The following VGLL4 variants were observed in gnomAD, a reference collection of about 807,000 sequenced individuals.
VGLL4 encodes the protein transcription cofactor vestigial-like protein 4.
In VGLL4, 7 loss-of-function variants were observed where a neutral mutation model predicts 21.0. That is an observed-to-expected ratio of 0.33 (90% CI 0.19 to 0.63). The LOEUF (loss-of-function observed/expected upper bound fraction) is 0.63. Among genes scored for constraint, VGLL4 ranks in the 20% least tolerant of loss-of-function variants. VGLL4 has a pLI of 0.78. For missense variants in VGLL4, 394 were observed against 425.7 expected (o/e 0.93, Z 0.66); for synonymous variants, 222 against 173.2 (o/e 1.28, Z -2.21).
At chr3:11,573,269 A>AG (rs1559869451) in intron 2 of VGLL4, among the ~76,000 whole-genome samples, 10 of 9,640 alleles carry the variant, frequency 1.0e-3, no homozygotes, top group Non-Finnish European at 1.1e-3. Context: ...GAAAGAAAGA[A>AG]AGAAAGAAAG....
rs370587456 is a variant in VGLL4 at position 11,583,042 on chromosome 3, G to A, written c.273-18023C>T. 4.6e-5 allele frequency among the ~76,000 whole-genome samples: 7 copies of A among 152,268 alleles called. No homozygotes were observed. The East Asian group carries it at 9.6e-4, about 21-fold the overall frequency. On this transcript the variant is annotated intron_variant, in intron 2 of 4. Coordinates refer to ENST00000430365, the MANE Select transcript of VGLL4 (RefSeq NM_001128219.3). ...AAGTCTGCAGATGTCTTAGCCATAC[G>A]CCAGCATCAAGTAGCCCGGAGAAGT...
chr3:11,627,230 A>ACACTCTCTCTCT (rs1491347863), intron 1 of VGLL4: 1 of 123,270 alleles, frequency 8.1e-6, no homozygotes, highest in African/African-American at 3.3e-5. Context: ...ACACACACAC[A>ACACTCTCTCTCT]CTCTCTCTCT....
intron 1 of VGLL4, among the ~76,000 whole-genome samples, chr3:11,636,683 G>A (rs1404254702): frequency 1.3e-5 from 2 of 152,144 alleles, no homozygotes; most frequent in Non-Finnish European, 2.9e-5. Flanking sequence ...ATGTATCTCC[G>A]GAAGTGTCCC....
chr3:11,690,841 T>C (rs2076516877), intron 2 of VGLL4, among the ~76,000 whole-genome samples: 1 of 152,200 alleles, frequency 6.6e-6, no homozygotes, highest in African/African-American at 2.4e-5. Context: ...TGATTTGATT[T>C]CTATAAAAGT....
intron 1 of VGLL4, among the ~76,000 whole-genome samples, chr3:11,616,652 T>C (rs948797116): frequency 2.0e-5 from 3 of 152,198 alleles, no homozygotes; most frequent in African/African-American, 7.2e-5. Flanking sequence ...AAAAGGCTAA[T>C]TGTTGAATCC....
intron 2 of VGLL4, among the ~76,000 whole-genome samples, chr3:11,689,372 C>A (rs1039200): frequency 0.5 from 75,744 of 151,988 alleles, 20,001 homozygotes; most frequent in Non-Finnish European, 0.6. Context: ...ATGTTTTGCT[C>A]TCTATCTTCC....
At chr3:11,642,992 C>G (rs1201091829) in intron 1 of VGLL4, among the ~76,000 whole-genome samples, 2 of 152,174 alleles carry the variant, frequency 1.3e-5, no homozygotes, top group South Asian at 4.1e-4. Context: ...CTCGCTGTAA[C>G]TTTGGCTCCC....
chr3:11,637,903 C>A (rs1311738471), intron 1 of VGLL4, among the ~76,000 whole-genome samples: 1 of 152,120 alleles, frequency 6.6e-6, no homozygotes, highest in Non-Finnish European at 1.5e-5. Flanking sequence ...CAGAGCAAGT[C>A]TTAAAAAACA....
In VGLL4 at chr3:11,613,579, A is replaced by T. The variant is rs548107904; in HGVS notation, c.83-11557T>A. On this transcript the variant is annotated intron_variant, in intron 1 of 4. Transcript: ENST00000430365. ...TGTTCTGGGAGGCACGGAGCAGCTC[A>T]TTCATTTCTGTATCCCTGGCCACTC... Among the ~76,000 whole-genome samples, 379 of 152,254 alleles carry T rather than the reference A, an allele frequency of 2.5e-3. 3 individuals carry two copies. The highest frequency in any genetic ancestry group is 8.8e-3 in the African/African-American group (364 of 41,560).
Position 11,580,377 on chromosome 3 carries a change from G to C in VGLL4, c.273-15358C>G, listed in dbSNP as rs113868986. The stretch of plus-strand genomic sequence containing the variant: ...TCCATTGTGTGTACAGACCACATTT[G>C]GTTTTTCCATTCATCCGGTGATGAG... On this transcript the variant is annotated intron_variant, in intron 2 of 4. Coordinates refer to ENST00000430365, the MANE Select transcript of VGLL4 (RefSeq NM_001128219.3). 1.7e-3 allele frequency among the ~76,000 whole-genome samples: 264 copies of C among 152,300 alleles called. 2 individuals carry two copies. Among genetic ancestry groups the C allele is most frequent in the Middle Eastern group, 6.8e-3 (2 of 294 alleles).
chr3:11,573,869 A>C (rs2073949883), intron 2 of VGLL4, among the ~76,000 whole-genome samples: 1 of 152,200 alleles, frequency 6.6e-6, no homozygotes, highest in Non-Finnish European at 1.5e-5. Context: ...AAGACCAAGT[A>C]AGCTGTGGTT....
At chr3:11,578,734 C>T (rs1310395398) in intron 2 of VGLL4, among the ~76,000 whole-genome samples, 2 of 142,994 alleles carry the variant, frequency 1.4e-5, no homozygotes, top group Non-Finnish European at 3.0e-5. Flanking sequence ...TTTGAGGCAT[C>T]TACTGTATAT....
chr3:11,612,295 A>G (rs1290426996), intron 1 of VGLL4: 3 of 151,616 alleles, frequency 2.0e-5, no homozygotes, highest in Admixed American at 1.3e-4. Context: ...ACCCTGTTGG[A>G]TTTAGTTTAC....
At chr3:11,694,614 T>C (rs917518319) in intron 2 of VGLL4, among the ~76,000 whole-genome samples, 3 of 150,384 alleles carry the variant, frequency 2.0e-5, no homozygotes, top group African/African-American at 7.4e-5. Context: ...AGTGAGACAC[T>C]GTCTCAAAAA....
chr3:11,574,425 G>C (rs2073967180), intron 2 of VGLL4, among the ~76,000 whole-genome samples: 1 of 152,274 alleles, frequency 6.6e-6, no homozygotes, highest in East Asian at 1.9e-4. Flanking sequence ...ACAGAGACCA[G>C]AGCTGGGCAG....
At chr3:11,612,217 G>A (rs977087357) in intron 1 of VGLL4, 1 of 152,010 alleles carries the variant, frequency 6.6e-6, no homozygotes, top group Admixed American at 6.5e-5. Flanking sequence ...ATTTAATTAG[G>A]AAGTTCTATA....
intron 1 of VGLL4, among the ~76,000 whole-genome samples, chr3:11,602,785 G>A (rs1305029647): frequency 1.3e-5 from 2 of 152,106 alleles, no homozygotes; most frequent in African/African-American, 4.8e-5. Context: ...TTTTGTACTA[G>A]GCAATCACTT....
Position 11,558,829 on chromosome 3 carries a change from TGCAGGCAA to T in VGLL4, c.620-10_620-3del, listed in dbSNP as rs776344910. 9 of 1,609,688 alleles carry T rather than the reference TGCAGGCAA, an allele frequency of 5.6e-6. No individual in the cohort carries two copies. Among genetic ancestry groups the T allele is most frequent in the Admixed American group, 1.7e-5 (1 of 59,992 alleles). ...CCACGGGGTCACAGGTGGTGGCAGC[TGCAGGCAA>T]GCAGGAAGGCAGGCAGTCAGACACA... On this transcript the variant is annotated splice_polypyrimidine_tract_variant and splice_region_variant and intron_variant, in intron 4 of 4. Transcript: ENST00000430365.
intron 2 of VGLL4, chr3:11,702,745 CA>C (rs372702459): frequency 7.2e-3 from 1,346 of 185,838 alleles, no homozygotes; most frequent in East Asian, 0.012. Context: ...AAAAAAAAAA[CA>C]AAAAAAAAAA....
Sources: allele counts gnomAD v4.1 joint callset (sites outside exome capture counted in the v4.1 genomes callset), GRCh38; gene constraint gnomAD v4.1.1; transcripts MANE v1.5; gene names NCBI Gene and HGNC (gene_info 2026-07-23, HGNC 2026-07-21).